CTNND2: variants seen among roughly 807,000 people sequenced by gnomAD.
The protein encoded by CTNND2 is catenin delta-2.
CTNND2 carries 22 observed loss-of-function variants against 144.4 expected under a neutral mutation model. The ratio of observed to expected loss-of-function variants is 0.15; its 90% confidence interval spans 0.11 to 0.22. The LOEUF (loss-of-function observed/expected upper bound fraction) is 0.22. Ranked by LOEUF, CTNND2 falls within the 10% of genes least tolerant of loss-of-function variation. The pLI is 1.00. For missense variants in CTNND2, 1,353 were observed against 1,618.8 expected (o/e 0.84, Z 2.82); for synonymous variants, 751 against 695.6 (o/e 1.08, Z -1.25).
intron 3 of CTNND2, among the ~76,000 whole-genome samples, chr5:11,551,847 C>G (rs1368448803): frequency 6.6e-6 from 1 of 152,046 alleles, no homozygotes; most frequent in African/African-American, 2.4e-5. Flanking sequence ...ATGATCTGCC[C>G]ACCTCAGCCT....
intron 1 of CTNND2, among the ~76,000 whole-genome samples, chr5:11,861,724 C>A (rs904499354): frequency 6.6e-6 from 1 of 152,202 alleles, no homozygotes; most frequent in African/African-American, 2.4e-5. Context: ...AGGGCCCTCA[C>A]AGTGGCCTAC....
intron 18 of CTNND2, among the ~76,000 whole-genome samples, chr5:11,007,297 A>G (rs930242733): frequency 6.6e-6 from 1 of 152,192 alleles, no homozygotes; most frequent in Non-Finnish European, 1.5e-5. Context: ...GAAAAACCCA[A>G]TTGCTGTATA....
chr5:11,869,414 C>T lies in CTNND2; in HGVS notation c.37+34403G>A, dbSNP rs1388313170. On this transcript the variant is annotated intron_variant, in intron 1 of 21. Coordinates refer to ENST00000304623, the MANE Select transcript of CTNND2 (RefSeq NM_001332.4). ...GACATAAGAAGGTGCCAACTTCTGA[C>T]ACATGCCACAACATGGATTAACCTT... Among the ~76,000 whole-genome samples, 6 of 152,192 alleles carry T rather than the reference C, an allele frequency of 3.9e-5. 1 individual carries two copies. Among genetic ancestry groups the T allele is most frequent in the Admixed American group, 2.6e-4 (4 of 15,280 alleles).
rs147217205 is a variant in CTNND2 at position 11,159,584 on chromosome 5, C to T, written c.2151G>A (p.Gly717=). 4.4e-6 allele frequency: 7 copies of T among 1,608,928 alleles called. No homozygotes were observed. The highest frequency in any genetic ancestry group is 4.0e-5 in the African/African-American group (3 of 74,844). Residue 717 remains glycine, a synonymous_variant, in exon 12 of 22, where the codon GGG becomes GGA. Coordinates refer to ENST00000304623, the MANE Select transcript of CTNND2 (RefSeq NM_001332.4). ...CGTGACACAGGACTGACCTTAGGCA[C>T]CCGGTGGCGTTACGCAGCACCTGTG... ...HSSQVLRNAT[G]CLRNVSSAGE...
intron 16 of CTNND2, among the ~76,000 whole-genome samples, chr5:11,059,846 T>C (rs1196377892): frequency 6.6e-6 from 1 of 152,156 alleles, no homozygotes; most frequent in Non-Finnish European, 1.5e-5. Context: ...AGAAACTCTT[T>C]TTGAAATATA....
rs867851624 is a variant in CTNND2, at chr5:11,623,215, T to G, written c.175-58159A>C. ...ACTTTGCTTTATTTTCATTTTCTTA[T>G]AGGCTCGTTGATATGGTTTGACTGT... On this transcript the variant is annotated intron_variant, in intron 2 of 21. Coordinates refer to ENST00000304623, the MANE Select transcript of CTNND2 (RefSeq NM_001332.4). 4.6e-5 allele frequency among the ~76,000 whole-genome samples: 7 copies of G among 152,110 alleles called. No individual in the cohort carries two copies. The South Asian group carries it at 1.2e-3, about 27-fold the overall frequency.
chr5:11,869,565 G>A (rs1179907251), intron 1 of CTNND2, among the ~76,000 whole-genome samples: 2 of 152,202 alleles, frequency 1.3e-5, no homozygotes, highest in East Asian at 1.9e-4. Flanking sequence ...TTGGCTATGG[G>A]CTGCAAGAAT....
chr5:11,548,862 C>G (rs1053450077), intron 3 of CTNND2, among the ~76,000 whole-genome samples: 3 of 152,022 alleles, frequency 2.0e-5, no homozygotes, highest in Non-Finnish European at 4.4e-5. Flanking sequence ...TTTATTTGTT[C>G]TGACTCCAAG....
rs145464689 is a variant in CTNND2, at chr5:11,374,193, A to C, written c.1178-9303T>G. 8.7e-3 allele frequency among the ~76,000 whole-genome samples: 1,319 copies of C among 152,292 alleles called. 17 individuals carry two copies. The highest frequency in any genetic ancestry group is 0.029 in the African/African-American group (1,209 of 41,558). ...GGGAAAAGACCCCTAGAAAGACTCT[A>C]CCCAGGCACCCTAAACCCTTCTCAG... On this transcript the variant is annotated intron_variant, in intron 7 of 21. Coordinates refer to ENST00000304623, the MANE Select transcript of CTNND2 (RefSeq NM_001332.4).
intron 1 of CTNND2, among the ~76,000 whole-genome samples, chr5:11,766,948 G>A (rs1789626785): frequency 6.6e-6 from 1 of 152,032 alleles, no homozygotes; most frequent in Non-Finnish European, 1.5e-5. Context: ...ATACAGCTAT[G>A]GCCAGGAGTG....
intron 2 of CTNND2, among the ~76,000 whole-genome samples, chr5:11,711,303 C>T (rs560672358): frequency 1.3e-5 from 2 of 152,102 alleles, no homozygotes; most frequent in African/African-American, 2.4e-5. Flanking sequence ...GTGATGCACC[C>T]GCCTTGGCCT....
intron 1 of CTNND2, among the ~76,000 whole-genome samples, chr5:11,875,595 G>T (rs771371480): frequency 6.6e-6 from 1 of 152,062 alleles, no homozygotes; most frequent in Non-Finnish European, 1.5e-5. Context: ...GGATTTTACC[G>T]TCCGTATAGC....
At chr5:11,003,249 C>T (rs182487589) in intron 18 of CTNND2, among the ~76,000 whole-genome samples, 305 of 152,218 alleles carry the variant, frequency 2.0e-3, no homozygotes, top group African/African-American at 6.4e-3. Flanking sequence ...CTTTTAGTAA[C>T]CCAAGCTCAC....
At chr5:10,999,351 CT>C (rs1389835663) in intron 18 of CTNND2, among the ~76,000 whole-genome samples, 3 of 152,238 alleles carry the variant, frequency 2.0e-5, no homozygotes, top group Admixed American at 2.0e-4. Flanking sequence ...ACTGTATTTT[CT>C]TGTTAAAATA....
At chr5:11,028,631 T>G (rs1743114935) in intron 16 of CTNND2, among the ~76,000 whole-genome samples, 1 of 152,228 alleles carries the variant, frequency 6.6e-6, no homozygotes, top group Non-Finnish European at 1.5e-5. Flanking sequence ...AGGATTTGTC[T>G]TTTTGTGATT....
chr5:11,649,578 G>A (rs1278476120), intron 2 of CTNND2, among the ~76,000 whole-genome samples: 1 of 152,130 alleles, frequency 6.6e-6, no homozygotes, highest in East Asian at 1.9e-4. Flanking sequence ...GCCTCCCAAA[G>A]TGCAGAGATT....
chr5:11,749,337 G>A (rs4484437), intron 1 of CTNND2, among the ~76,000 whole-genome samples: 148,850 of 152,142 alleles, frequency 0.98, 72,891 homozygotes, highest in East Asian at 1. Context: ...AATATTGAGC[G>A]TAGTGACAAT....
At chr5:11,442,793 A>G (rs1328693298) in intron 3 of CTNND2, among the ~76,000 whole-genome samples, 3 of 146,832 alleles carry the variant, frequency 2.0e-5, no homozygotes, top group Non-Finnish European at 4.5e-5. Context: ...ATATATAATT[A>G]TATATGTATA....
intron 16 of CTNND2, among the ~76,000 whole-genome samples, chr5:11,072,425 T>C (rs1748428259): frequency 1.3e-5 from 2 of 152,256 alleles, no homozygotes; most frequent in Non-Finnish European, 2.9e-5. Flanking sequence ...CCATTCATTT[T>C]ACCTGACATT....
Sources: gnomAD v4.1 joint callset for allele counts (sites outside exome capture counted in the v4.1 genomes callset) on GRCh38, gnomAD v4.1.1 for gene constraint, MANE v1.5 for transcripts, NCBI Gene and HGNC (gene_info 2026-07-23, HGNC 2026-07-21) for gene names.